The following TES variants were observed in gnomAD, a reference collection of about 807,000 sequenced individuals.
The protein encoded by TES is testin.
A neutral mutation model predicts 48.2 loss-of-function variants in TES; 41 were observed. The ratio of observed to expected loss-of-function variants is 0.85; its 90% CI spans 0.66 to 1.10. TES has a LOEUF of 1.10. TES is among the 50% of genes least tolerant of loss of function. TES has a pLI of 0.00. For synonymous variants in TES, 162 were observed against 174.9 expected, an observed-to-expected ratio of 0.93 and a Z score of 0.58; for missense variants, 463 against 515.1, an observed-to-expected ratio of 0.90 and a Z score of 0.98.
intron 1 of TES, chr7:116,222,925 A>T (rs182282069): frequency 2.1e-6 from 2 of 971,320 alleles, no homozygotes; most frequent in African/African-American, 3.5e-5. Context: ...TGCTTATTAT[A>T]ATAATTGTGA....
At chr7:116,245,126 T>G (rs375355069) in intron 2 of TES, among the ~76,000 whole-genome samples, 5 of 152,320 alleles carry the variant, frequency 3.3e-5, no homozygotes, top group African/African-American at 1.2e-4. Flanking sequence ...CTCCATTGTC[T>G]TGGTGATTAA....
chr7:116,210,614 A>G lies in TES; in HGVS notation c.-94A>G. ...TTGAGCGGCGCCGCGGGAGTTCCGCAGGTTTCCCGTGTTCGCAGCGGAGCC... is the reference window on the plus strand; with the variant it reads ...TTGAGCGGCGCCGCGGGAGTTCCGCGGGTTTCCCGTGTTCGCAGCGGAGCC... On this transcript the variant is annotated 5_prime_UTR_variant, in exon 1 of 7. Transcript: ENST00000358204. 8.1e-7 allele frequency: 1 copy of G among 1,230,032 alleles called. No homozygotes were observed. Among genetic ancestry groups the G allele is most frequent in the East Asian group, 3.3e-5 (1 of 30,486 alleles). 76.2% of individuals were successfully genotyped at this position (1,230,032 alleles called of 1,614,324 possible).
At chr7:116,216,336 C>T (rs1241632417) in intron 1 of TES, among the ~76,000 whole-genome samples, 4 of 152,022 alleles carry the variant, frequency 2.6e-5, no homozygotes, top group East Asian at 1.9e-4. Flanking sequence ...ATAGTGTATC[C>T]GTTTTCTCAC....
chr7:116,217,737 T>G, intron 1 of TES: 1 of 513,670 alleles, frequency 1.9e-6, no homozygotes, highest in South Asian at 1.4e-5. Context: ...TATCCATGTT[T>G]AAAATTTGCC....
At chr7:116,217,230 G>A (rs1272404990) in intron 1 of TES, among the ~76,000 whole-genome samples, 1 of 152,132 alleles carries the variant, frequency 6.6e-6, no homozygotes, top group Non-Finnish European at 1.5e-5. Context: ...TGCAAACTTT[G>A]TAATTAGGGA....
At chr7:116,249,316 A>G in intron 3 of TES, 44 bp downstream of exon 3, 1 of 1,610,658 alleles carries the variant, frequency 6.2e-7, no homozygotes, top group Non-Finnish European at 8.5e-7. Flanking sequence ...AAGTTCCTGG[A>G]GTATTTATTT....
intron 1 of TES, among the ~76,000 whole-genome samples, chr7:116,215,790 C>G (rs546922690): frequency 6.6e-6 from 1 of 152,152 alleles, no homozygotes; most frequent in Admixed American, 6.5e-5. Flanking sequence ...TTACACATAG[C>G]ATGAGTAGGC....
At chr7:116,228,019 T>G (rs907490673) in intron 1 of TES, among the ~76,000 whole-genome samples, 4 of 140,758 alleles carry the variant, frequency 2.8e-5, no homozygotes, top group East Asian at 2.4e-4. Flanking sequence ...TTTTTTTTTT[T>G]TTGTTTTTTT....
intron 1 of TES, among the ~76,000 whole-genome samples, chr7:116,226,152 A>G (rs1329578960): frequency 1.3e-5 from 2 of 152,228 alleles, no homozygotes; most frequent in Non-Finnish European, 2.9e-5. Flanking sequence ...ATATGTTATG[A>G]TAAAGATTGT....
chr7:116,254,164 CT>C (rs202084710), intron 6 of TES, among the ~76,000 whole-genome samples: 5 of 150,846 alleles, frequency 3.3e-5, no homozygotes, highest in Admixed American at 6.6e-5. Context: ...TAATGTATAC[CT>C]TTTTTTTTGC....
At chr7:116,245,808 C>T (rs1799915444) in intron 2 of TES, among the ~76,000 whole-genome samples, 1 of 152,174 alleles carries the variant, frequency 6.6e-6, no homozygotes, top group Admixed American at 6.6e-5. Context: ...ACTTACAGTT[C>T]AGCATGGCTG....
At chr7:116,250,834 C>T (rs1173385976) in intron 4 of TES, among the ~76,000 whole-genome samples, 2 of 152,192 alleles carry the variant, frequency 1.3e-5, no homozygotes, top group East Asian at 3.9e-4. Flanking sequence ...TTGCTTATCT[C>T]TGCTGCCCAT....
At chr7:116,242,680 T>C (rs1450421664) in intron 2 of TES, among the ~76,000 whole-genome samples, 1 of 152,228 alleles carries the variant, frequency 6.6e-6, no homozygotes, top group Non-Finnish European at 1.5e-5. Context: ...TTTGGGTTTT[T>C]AGTTGTTTTT....
At chr7:116,248,091 A>G (rs1799952208) in intron 2 of TES, among the ~76,000 whole-genome samples, 1 of 152,158 alleles carries the variant, frequency 6.6e-6, no homozygotes. Flanking sequence ...TCCTGTATTA[A>G]TTCACTTAAG....
Position 116,217,363 on chromosome 7 carries a change from C to T in TES, c.27+6629C>T, listed in dbSNP as rs547846738. 1.4e-4 allele frequency among the ~76,000 whole-genome samples: 21 copies of T among 152,220 alleles called. No homozygotes were observed. The South Asian group carries it at 4.4e-3, about 32-fold the overall frequency. Reference sequence around the variant, plus strand: ...ATAAAGCTATACAAATAGACTTACACCTATAATATACACAAACTATAAGTC... The same window carrying T: ...ATAAAGCTATACAAATAGACTTACATCTATAATATACACAAACTATAAGTC... On this transcript the variant is annotated intron_variant, in intron 1 of 6. Transcript: ENST00000358204.
At chr7:116,232,890 T>C (rs1380552404) in intron 1 of TES, among the ~76,000 whole-genome samples, 1 of 152,230 alleles carries the variant, frequency 6.6e-6, no homozygotes, top group Non-Finnish European at 1.5e-5. Flanking sequence ...CTTAAAAGTA[T>C]TGTGGGTTTT....
intron 2 of TES, among the ~76,000 whole-genome samples, chr7:116,240,691 C>CT (rs1040315568): frequency 6.6e-6 from 1 of 152,204 alleles, no homozygotes; most frequent in South Asian, 2.1e-4. Context: ...ATCCCCTTCC[C>CT]TTTTTTTCCC....
chr7:116,227,148 C>T (rs1376270986), intron 1 of TES, among the ~76,000 whole-genome samples: 1 of 151,398 alleles, frequency 6.6e-6, no homozygotes, highest in Non-Finnish European at 1.5e-5. Context: ...GATGGAGTCT[C>T]ACTCTGTCAC....
In TES at chr7:116,257,717, C is replaced by G; in HGVS notation, c.*235C>G. On this transcript the variant is annotated 3_prime_UTR_variant, in exon 7 of 7. Coordinates refer to ENST00000358204, the MANE Select transcript of TES (RefSeq NM_015641.4). ...AGTAAATAATTGTATCTTTCCATAG[C>G]TTTTCAAATGTGAAATCATTTTTGG... is the stretch of plus-strand genomic sequence containing the variant. 2 of 338,302 alleles carry G rather than the reference C, an allele frequency of 5.9e-6. No homozygotes were observed. The highest frequency in any genetic ancestry group is 1.1e-5 in the Non-Finnish European group (2 of 190,174). The allele number at this position is 338,302 out of a possible 1,614,324, so 21.0% of individuals were successfully genotyped here. A position where few individuals can be genotyped will look rare whatever the true frequency, so the allele number is the denominator to read the frequency against.
Sources: gnomAD v4.1 joint callset for allele counts (sites outside exome capture counted in the v4.1 genomes callset) on GRCh38, gnomAD v4.1.1 for gene constraint, MANE v1.5 for transcripts, NCBI Gene and HGNC (gene_info 2026-07-23, HGNC 2026-07-21) for gene names.